Variants in ANKRD34A observed in about 807,000 individuals in gnomAD.
The protein encoded by ANKRD34A is ankyrin repeat domain-containing protein 34A.
A neutral mutation model predicts 27.1 loss-of-function variants in ANKRD34A; 7 were observed. That is an observed-to-expected ratio of 0.26 (90% CI 0.15 to 0.49). ANKRD34A has a LOEUF of 0.49. ANKRD34A is among the 20% of genes least tolerant of loss of function. The pLI is 0.99. For missense variants in ANKRD34A, 472 were observed against 682.1 expected (o/e 0.69, Z 3.43); for synonymous variants, 301 against 300.8 (o/e 1.00, Z -0.01).
rs1553761247 is a variant in ANKRD34A at position 145,960,885 on chromosome 1, G to C, written c.875C>G (p.Thr292Ser). ...GRPRLSRRHS[T>S]EGPEDPPPWA... is the part of the protein sequence containing the mutation. ...TGGGGGCGGGTCCTCAGGGCCTTCG[G>C]TGCTGTGACGTCGGGAAAGACGGGG... Residue 292 changes from threonine (T) to serine (S), a missense_variant, in exon 4 of 4, where the codon ACC becomes AGC. Physicochemically the swap from Thr to Ser is moderately conservative, Grantham distance 58. Coordinates refer to ENST00000606888, the MANE Select transcript of ANKRD34A (RefSeq NM_001039888.4). This position sits in a 1 kb window ranked among gnomAD's most constrained non-coding sequence, Gnocchi z 5.5. 2 of 1,614,262 alleles carry C rather than the reference G, an allele frequency of 1.2e-6. No homozygotes were observed. The highest frequency in any genetic ancestry group is 1.7e-6 in the Non-Finnish European group (2 of 1,180,044).
chr1:145,960,173 A>C lies in ANKRD34A; in HGVS notation c.*96T>G. The C allele has an allele frequency of 2.3e-4, 318 of 1,372,850 alleles. No homozygotes were observed. The highest frequency in any genetic ancestry group is 2.8e-4 in the Non-Finnish European group (292 of 1,036,580). 85.0% of individuals were successfully genotyped at this position (1,372,850 alleles called of 1,614,324 possible). A position where few individuals can be genotyped will look rare whatever the true frequency, so the allele number is the denominator to read the frequency against. ...CACTGTGCACCCATGAGCACATGCAAGAGATCCCTTTGTTCGTGGTGTGTG... is the reference window on the plus strand; with the variant it reads ...CACTGTGCACCCATGAGCACATGCACGAGATCCCTTTGTTCGTGGTGTGTG... On this transcript the variant is annotated 3_prime_UTR_variant, in exon 4 of 4. Transcript: ENST00000606888. This position sits in a 1 kb window ranked among gnomAD's most constrained non-coding sequence, Gnocchi z 5.5.
rs782135765 is a variant in ANKRD34A at position 145,960,632 on chromosome 1, C to G, written c.1128G>C (p.Ser376=). The G allele has an allele frequency of 3.2e-5, 50 of 1,586,148 alleles. No homozygotes were observed. Among genetic ancestry groups the G allele is most frequent in the Non-Finnish European group, 6.0e-6 (7 of 1,164,260 alleles). The change falls in exon 4 of 4, where the codon TCG becomes TCC. Residue 376 remains serine (S), a synonymous_variant. Coordinates refer to ENST00000606888, the MANE Select transcript of ANKRD34A (RefSeq NM_001039888.4). This position sits in a 1 kb window ranked among gnomAD's most constrained non-coding sequence, Gnocchi z 5.5. ...ASPLTLPPAG[S]APSPRQSQES... ...CCTGGGACTGGCGCGGAGAGGGAGC[C>G]GAGCCGGCTGGAGGGAGGGTCAACG... is the stretch of plus-strand genomic sequence containing the variant.
In ANKRD34A at chr1:145,961,892, C is replaced by T; in HGVS notation, c.-120-13G>A. 1 of 1,062,916 alleles carries T rather than the reference C, an allele frequency of 9.4e-7. No individual in the cohort carries two copies. Among genetic ancestry groups the T allele is most frequent in the Non-Finnish European group, 1.3e-6 (1 of 760,310 alleles). The allele number at this position is 1,062,916 out of a possible 1,614,324, so 65.8% of individuals were successfully genotyped here. ...ACGAAGCCGATCCCTGCAAGAGAGA[C>T]ATCTCATTGATAGATTCGGCAGGAA... On this transcript the variant is annotated splice_polypyrimidine_tract_variant and intron_variant, in intron 3 of 3. Coordinates refer to ENST00000606888, the MANE Select transcript of ANKRD34A (RefSeq NM_001039888.4). The surrounding 1 kb of genome is among the most constrained non-coding windows in gnomAD (Gnocchi z 9.5).
rs1649847927 is a variant in ANKRD34A at position 145,962,742 on chromosome 1, TAAACCCTCAA to T, written c.-452_-443del. ...AACTGCTCCCCCACTCATGCACACA[TAAACCCTCAA>T]AAACCTAGAGGCTCCAATCCTGACT... On this transcript the variant is annotated 5_prime_UTR_variant, in exon 3 of 4. Transcript: ENST00000606888. The T allele has an allele frequency of 1.5e-5, 2 of 136,264 alleles. No homozygotes were observed. Among genetic ancestry groups the T allele is most frequent in the South Asian group, 4.9e-4 (2 of 4,064 alleles). The allele number at this position is 136,264 out of a possible 1,614,324, so 8.4% of individuals were successfully genotyped here.
chr1:145,960,315 A>G lies in ANKRD34A; in HGVS notation c.1445T>C (p.Leu482Pro). The change falls in exon 4 of 4, where the codon CTG becomes CCG. Residue 482 changes from leucine to proline, a missense_variant. Physicochemically the swap from Leu to Pro is moderately conservative, Grantham distance 98. Coordinates refer to ENST00000606888, the MANE Select transcript of ANKRD34A (RefSeq NM_001039888.4). This position sits in a 1 kb window ranked among gnomAD's most constrained non-coding sequence, Gnocchi z 5.5. ...HSMQTEQIRL[L>P]GGFQSLGGPG... ...CCCACCTAGACTCTGGAAGCCCCCCAGCAGGCGGATCTGCTCAGTCTGCAT... is the reference window on the plus strand; with the variant it reads ...CCCACCTAGACTCTGGAAGCCCCCCGGCAGGCGGATCTGCTCAGTCTGCAT... 1 of 1,590,794 alleles carries G rather than the reference A, an allele frequency of 6.3e-7. No individual in the cohort carries two copies. The highest frequency in any genetic ancestry group is 8.6e-7 in the Non-Finnish European group (1 of 1,166,856).
intron 3 of ANKRD34A, 95 bp downstream of exon 3, chr1:145,962,326 G>T: frequency 6.5e-6 from 1 of 153,756 alleles, no homozygotes. Flanking sequence ...GACCTAAAAC[G>T]GGTGGAGGGA....
chr1:145,962,527 G>GGC lies in ANKRD34A; in HGVS notation c.-229_-228dup, dbSNP rs1649826901. The GGC allele has an allele frequency of 6.7e-6, 1 of 149,020 alleles. No homozygotes were observed. Among genetic ancestry groups the GGC allele is most frequent in the African/African-American group, 2.5e-5 (1 of 40,414 alleles). 9.2% of individuals were successfully genotyped at this position (149,020 alleles called of 1,614,324 possible). A position where few individuals can be genotyped will look rare whatever the true frequency, so the allele number is the denominator to read the frequency against. ...GGGGCCCGCATGGCGTGGGGGGGGGGGCACCCGGATTCCCTTGGTGTCAGT... is the reference window on the plus strand; with the variant it reads ...GGGGCCCGCATGGCGTGGGGGGGGGGGCGCACCCGGATTCCCTTGGTGTCAGT... On this transcript the variant is annotated 5_prime_UTR_variant, in exon 3 of 4. Coordinates refer to ENST00000606888, the MANE Select transcript of ANKRD34A (RefSeq NM_001039888.4).
rs1239626765 is a variant in ANKRD34A, at chr1:145,961,691, C to T, written c.69G>A (p.Leu23=). The T allele has an allele frequency of 1.9e-6, 3 of 1,613,932 alleles. No individual in the cohort carries two copies. In the Admixed American group the frequency reaches 5.0e-5, roughly 27 times the overall value. ...VGQGKLRLAR[L]LLEGGAYVNE... is the part of the protein sequence containing the mutation. ...TCACGTAGGCGCCTCCCTCCAGAAGCAAACGGGCCAAGCGTAGCTTACCCT... is the reference window on the plus strand; with the variant it reads ...TCACGTAGGCGCCTCCCTCCAGAAGTAAACGGGCCAAGCGTAGCTTACCCT... Residue 23 remains leucine, a synonymous_variant, in exon 4 of 4, where the codon TTG becomes TTA. Transcript: ENST00000606888. This position sits in a 1 kb window ranked among gnomAD's most constrained non-coding sequence, Gnocchi z 9.5.
Position 145,962,535 on chromosome 1 carries a change from G to C in ANKRD34A, c.-235C>G, listed in dbSNP as rs1649827864. ...CATGGCGTGGGGGGGGGGGCACCCG[G>C]ATTCCCTTGGTGTCAGTATCTGCGC... On this transcript the variant is annotated 5_prime_UTR_variant, in exon 3 of 4. In the 5' UTR this introduces an upstream ATG that the reference lacks. Coordinates refer to ENST00000606888, the MANE Select transcript of ANKRD34A (RefSeq NM_001039888.4). The C allele has an allele frequency of 6.8e-6, 1 of 146,872 alleles. No homozygotes were observed. The highest frequency in any genetic ancestry group is 2.5e-5 in the African/African-American group (1 of 39,470). The allele number at this position is 146,872 out of a possible 1,614,324, so 9.1% of individuals were successfully genotyped here.
chr1:145,960,391 CGGCATAAGGAGG>C lies in ANKRD34A; in HGVS notation c.1357_1368del (p.Pro453_Ala456del), dbSNP rs781940374. 2.5e-6 allele frequency: 4 copies of C among 1,601,644 alleles called. No individual in the cohort carries two copies. The highest frequency in any genetic ancestry group is 2.6e-6 in the Non-Finnish European group (3 of 1,172,828). On this transcript the variant is annotated inframe_deletion, in exon 4 of 4. Coordinates refer to ENST00000606888, the MANE Select transcript of ANKRD34A (RefSeq NM_001039888.4). The surrounding 1 kb of genome is among the most constrained non-coding windows in gnomAD (Gnocchi z 5.5). The stretch of plus-strand genomic sequence containing the variant: ...TTGGTCCTGGGAGAGCCTGGCGCCC[CGGCATAAGGAGG>C]GGCAGGCAACGAAGGCGCCCGACCT...
At chr1:145,964,003 T>C (rs587617041) in intron 1 of ANKRD34A, among the ~76,000 whole-genome samples, 181 bp downstream of exon 1, 7 of 152,298 alleles carry the variant, frequency 4.6e-5, no homozygotes, top group Non-Finnish European at 1.5e-5. Flanking sequence ...TTCTGAACCT[T>C]TCTCCCTTGT....
intron 1 of ANKRD34A, among the ~76,000 whole-genome samples, chr1:145,963,871 A>C (rs1288954332): frequency 6.6e-6 from 1 of 152,162 alleles, no homozygotes; most frequent in East Asian, 1.9e-4. Context: ...CTTCACAGCT[A>C]TGTTTCTGTC....
At position 145,961,617 on chromosome 1, in the gene ANKRD34A, G is replaced by A. The variant is rs781795646; in HGVS notation, c.143C>T (p.Ala48Val). ...CTTGTTCTGGGGGTCGTCGTAGCGG[G>A]CCCGACAGGCTGCCATTAGCGCAGT... ...GETALMAACR[A>V]RYDDPQNKAR... The change falls in exon 4 of 4, where the codon GCC becomes GTC. Residue 48 changes from alanine (A) to valine (V), a missense_variant. Ala to Val is a moderately conservative substitution (Grantham distance 64). Transcript: ENST00000606888. The surrounding 1 kb of genome is among the most constrained non-coding windows in gnomAD (Gnocchi z 9.5). The A allele has an allele frequency of 3.4e-5, 55 of 1,611,844 alleles. No homozygotes were observed. The highest frequency in any genetic ancestry group is 4.2e-5 in the Non-Finnish European group (50 of 1,178,876).
Position 145,962,578 on chromosome 1 carries a change from G to A in ANKRD34A, c.-278C>T, listed in dbSNP as rs1649830043. ...ATCTGCGCCCCGGCGCCGGATCCTG[G>A]TCCCTCCTCCCGGAGCGCCCCGGGC... On this transcript the variant is annotated 5_prime_UTR_variant, in exon 3 of 4. Transcript: ENST00000606888. 1 of 137,952 alleles carries A rather than the reference G, an allele frequency of 7.2e-6. No homozygotes were observed. Among genetic ancestry groups the A allele is most frequent in the South Asian group, 2.4e-4 (1 of 4,130 alleles). 8.5% of individuals were successfully genotyped at this position (137,952 alleles called of 1,614,324 possible).
At chr1:145,963,046 G>A (rs776496390) in intron 2 of ANKRD34A, 78 bp from the exon 3 acceptor site, 8 of 152,432 alleles carry the variant, frequency 5.2e-5, no homozygotes, top group Non-Finnish European at 1.2e-4. Flanking sequence ...CAAGAGATGT[G>A]GCTTTCTTCC....
At chr1:145,964,015 T>C (rs1272671939) in intron 1 of ANKRD34A, among the ~76,000 whole-genome samples, 169 bp downstream of exon 1, 1 of 152,188 alleles carries the variant, frequency 6.6e-6, no homozygotes, top group Admixed American at 6.6e-5. Flanking sequence ...CTCCCTTGTT[T>C]CTGCTTTCTG....
Position 145,959,989 on chromosome 1 carries a change from T to A in ANKRD34A, c.*280A>T, listed in dbSNP as rs2101915993. ...TGGGACCCTAGCCCTGTGTGTTTAT[T>A]GATATGCTGTGCCTGTAGGTACACA... On this transcript the variant is annotated 3_prime_UTR_variant, in exon 4 of 4. Coordinates refer to ENST00000606888, the MANE Select transcript of ANKRD34A (RefSeq NM_001039888.4). The A allele has an allele frequency of 2.5e-6, 1 of 397,920 alleles. No individual in the cohort carries two copies. The highest frequency in any genetic ancestry group is 3.9e-5 in the East Asian group (1 of 25,906). 24.6% of individuals were successfully genotyped at this position (397,920 alleles called of 1,614,324 possible).
chr1:145,961,646 C>T lies in ANKRD34A; in HGVS notation c.114G>A (p.Gly38=), dbSNP rs1169215736. The change falls in exon 4 of 4, where the codon GGG becomes GGA. Residue 38 remains glycine, a synonymous_variant. Transcript: ENST00000606888. The surrounding 1 kb of genome is among the most constrained non-coding windows in gnomAD (Gnocchi z 9.5). ...GAYVNEGDAQ[G]ETALMAACRA... is the part of the protein sequence containing the mutation. The stretch of plus-strand genomic sequence containing the variant: ...GACAGGCTGCCATTAGCGCAGTCTC[C>T]CCCTGCGCATCACCCTCATTCACGT... 1.2e-6 allele frequency: 2 copies of T among 1,613,830 alleles called. No homozygotes were observed. Among genetic ancestry groups the T allele is most frequent in the Non-Finnish European group, 1.7e-6 (2 of 1,179,888 alleles).
At position 145,960,528 on chromosome 1, in the gene ANKRD34A, G is replaced by T; in HGVS notation, c.1232C>A (p.Thr411Lys). The change falls in exon 4 of 4, where the codon ACG (threonine) becomes AAG (lysine). Residue 411 changes from threonine (T) to lysine (K), a missense_variant. Transcript: ENST00000606888. This position sits in a 1 kb window ranked among gnomAD's most constrained non-coding sequence, Gnocchi z 5.5. ...PGLLERRGSG[T>K]LLLDHISQTR... Reference sequence around the variant, plus strand: ...TTGCGAGATGTGGTCCAGGAGCAACGTCCCCGAGCCCCTCCGCTCCAGCAG... The same window carrying T: ...TTGCGAGATGTGGTCCAGGAGCAACTTCCCCGAGCCCCTCCGCTCCAGCAG... The T allele has an allele frequency of 1.3e-6, 2 of 1,590,034 alleles. No homozygotes were observed. Among genetic ancestry groups the T allele is most frequent in the South Asian group, 1.1e-5 (1 of 87,272 alleles).
Sources: allele counts gnomAD v4.1 joint callset (sites outside exome capture counted in the v4.1 genomes callset), GRCh38; gene constraint gnomAD v4.1.1; non-coding constraint Gnocchi (gnomAD v3.1); transcripts MANE v1.5; gene names NCBI Gene and HGNC (gene_info 2026-07-23, HGNC 2026-07-21).